The following SDCCAG8 variants were observed in gnomAD, a reference collection of about 807,000 sequenced individuals.
SDCCAG8 encodes serologically defined colon cancer antigen 8.
Under a neutral mutation model 101.8 loss-of-function variants are expected in SDCCAG8, and 74 were observed. The observed-to-expected ratio is 0.73, with a 90% CI of 0.60 to 0.88. The LOEUF (loss-of-function observed/expected upper bound fraction) is 0.88. Ranked by LOEUF, SDCCAG8 falls within the 40% of genes least tolerant of loss-of-function variation. The pLI is 0.00. For synonymous variants in SDCCAG8, 281 were observed against 292.9 expected, an observed-to-expected ratio of 0.96 and a Z score of 0.41; for missense variants, 787 against 822.6, an observed-to-expected ratio of 0.96 and a Z score of 0.53.
chr1:243,271,365 ATAAT>A (rs1353238957), intron 3 of SDCCAG8, among the ~76,000 whole-genome samples: 4 of 148,688 alleles, frequency 2.7e-5, no homozygotes, highest in South Asian at 4.2e-4. Flanking sequence ...ATAAATTAAT[ATAAT>A]AAATTATATG....
chr1:243,371,397 GT>G (rs1442492713), intron 12 of SDCCAG8, among the ~76,000 whole-genome samples: 1 of 152,074 alleles, frequency 6.6e-6, no homozygotes, highest in Admixed American at 6.6e-5. Context: ...GTGAGCTTCA[GT>G]TTTCTCATCT....
At chr1:243,268,194 A>G in intron 1 of SDCCAG8, 2 of 524,466 alleles carry the variant, frequency 3.8e-6, no homozygotes, top group Non-Finnish European at 6.9e-6. Flanking sequence ...TTTTTATGTT[A>G]GTCAAACTGT....
At chr1:243,481,203 C>T (rs1160895087) in intron 16 of SDCCAG8, among the ~76,000 whole-genome samples, 2 of 152,062 alleles carry the variant, frequency 1.3e-5, no homozygotes, top group African/African-American at 4.8e-5. Context: ...GCACTGAGCC[C>T]AGCCCTGGGT....
At chr1:243,357,856 A>G (rs1411741190) in intron 12 of SDCCAG8, among the ~76,000 whole-genome samples, 4 of 152,200 alleles carry the variant, frequency 2.6e-5, no homozygotes, top group Non-Finnish European at 5.9e-5. Flanking sequence ...AACAGACTTT[A>G]CAGTAAATGG....
intron 17 of SDCCAG8, among the ~76,000 whole-genome samples, chr1:243,491,606 A>G (rs754633842): frequency 1.3e-5 from 2 of 152,218 alleles, no homozygotes; most frequent in Non-Finnish European, 2.9e-5. Flanking sequence ...ACCTCTAGGT[A>G]GGGGCTGTCA....
intron 16 of SDCCAG8, among the ~76,000 whole-genome samples, chr1:243,453,032 T>C (rs1460543801): frequency 1.3e-5 from 2 of 152,320 alleles, no homozygotes; most frequent in East Asian, 3.9e-4. Flanking sequence ...TGGAACATAG[T>C]AGGCACTCAA....
At chr1:243,466,737 G>A (rs1459366419) in intron 16 of SDCCAG8, among the ~76,000 whole-genome samples, 1 of 152,238 alleles carries the variant, frequency 6.6e-6, no homozygotes, top group Non-Finnish European at 1.5e-5. Flanking sequence ...ATGTTACACA[G>A]GTCCTATCGA....
At chr1:243,263,484 A>G (rs897871060) in intron 1 of SDCCAG8, among the ~76,000 whole-genome samples, 4 of 150,746 alleles carry the variant, frequency 2.7e-5, no homozygotes, top group Admixed American at 2.0e-4. Context: ...GATTTTACCT[A>G]TGTTCTTTGC....
intron 15 of SDCCAG8, among the ~76,000 whole-genome samples, chr1:243,422,223 T>G (rs1293105466): frequency 1.3e-5 from 2 of 152,186 alleles, no homozygotes; most frequent in African/African-American, 4.8e-5. Flanking sequence ...TATTTGTGAT[T>G]TGCGTTTTGT....
At chr1:243,468,599 A>C (rs1028818104) in intron 16 of SDCCAG8, among the ~76,000 whole-genome samples, 2 of 152,142 alleles carry the variant, frequency 1.3e-5, no homozygotes, top group Non-Finnish European at 2.9e-5. Context: ...AGGTGGGAGG[A>C]TCACTTGAGC....
intron 6 of SDCCAG8, among the ~76,000 whole-genome samples, chr1:243,297,758 CCTT>C (rs2071076334): frequency 6.6e-6 from 1 of 152,094 alleles, no homozygotes; most frequent in African/African-American, 2.4e-5. Context: ...ATTCAGATAT[CCTT>C]CTTATTATTT....
chr1:243,397,270 A>C (rs1275632770), intron 13 of SDCCAG8, among the ~76,000 whole-genome samples: 1 of 152,228 alleles, frequency 6.6e-6, no homozygotes, highest in African/African-American at 2.4e-5. Flanking sequence ...TAATGGTAGT[A>C]ATTTGTGAGT....
chr1:243,263,711 C>A (rs1037207077), intron 1 of SDCCAG8, among the ~76,000 whole-genome samples: 2 of 151,806 alleles, frequency 1.3e-5, no homozygotes, highest in African/African-American at 2.4e-5. Context: ...TGGCGCCAAC[C>A]ACTTTAGCAT....
At chr1:243,293,577 C>T in intron 6 of SDCCAG8, 1 of 428,700 alleles carries the variant, frequency 2.3e-6, no homozygotes, top group South Asian at 1.7e-5. Flanking sequence ...GCTTATTTCC[C>T]TTAGCATAAT....
chr1:243,275,942 C>T (rs2068528205), intron 4 of SDCCAG8, among the ~76,000 whole-genome samples: 1 of 142,322 alleles, frequency 7.0e-6, no homozygotes, highest in Admixed American at 7.3e-5. Context: ...CCGCTCACTG[C>T]AACCTCCGAC....
intron 10 of SDCCAG8, among the ~76,000 whole-genome samples, chr1:243,334,494 A>G (rs1351106109): frequency 1.3e-5 from 2 of 151,840 alleles, no homozygotes; most frequent in African/African-American, 4.8e-5. Flanking sequence ...TCTCTTCCAT[A>G]CTGTTTTTTC....
At chr1:243,314,266 C>T (rs1272388022) in intron 8 of SDCCAG8, among the ~76,000 whole-genome samples, 1 of 152,076 alleles carries the variant, frequency 6.6e-6, no homozygotes, top group African/African-American at 2.4e-5. Context: ...TGAGTGTAAT[C>T]GTTTTGTGGT....
rs886046329 is a variant in SDCCAG8, at chr1:243,256,076, C to G, written c.-98C>G. 17 of 1,125,930 alleles carry G rather than the reference C, an allele frequency of 1.5e-5. No individual in the cohort carries two copies. Among genetic ancestry groups the G allele is most frequent in the Non-Finnish European group, 2.7e-6 (2 of 735,270 alleles). 69.7% of individuals were successfully genotyped at this position (1,125,930 alleles called of 1,614,324 possible). A position where few individuals can be genotyped will look rare whatever the true frequency, so the allele number is the denominator to read the frequency against. On this transcript the variant is annotated 5_prime_UTR_variant, in exon 1 of 18. Coordinates refer to ENST00000366541, the MANE Select transcript of SDCCAG8 (RefSeq NM_006642.5). ...CCCCTGTGACAGCCGCGGCAGGAAG[C>G]AGGCGGGCGCTCCCCGGCCACAGGC...
intron 5 of SDCCAG8, among the ~76,000 whole-genome samples, chr1:243,288,787 T>A (rs1338347337): frequency 6.6e-6 from 1 of 152,062 alleles, no homozygotes; most frequent in African/African-American, 2.4e-5. Flanking sequence ...GGTGGGTGGA[T>A]CACGAGGTCA....
Sources: allele counts gnomAD v4.1 joint callset (sites outside exome capture counted in the v4.1 genomes callset), GRCh38; gene constraint gnomAD v4.1.1; transcripts MANE v1.5; gene names NCBI Gene and HGNC (gene_info 2026-07-23, HGNC 2026-07-21).